The following ACYP1 variants were observed in gnomAD, a reference collection of about 807,000 sequenced individuals.
ACYP1 encodes acylphosphatase-1.
A neutral mutation model predicts 10.4 loss-of-function variants in ACYP1; 8 were observed. That is an observed-to-expected ratio of 0.77 (90% CI 0.45 to 1.38). The LOEUF (loss-of-function observed/expected upper bound fraction) is 1.38, where lower values mean the gene tolerates loss of function less well. Among genes scored for constraint, ACYP1 ranks in the 40% most tolerant of loss-of-function variants. The probability of loss-of-function intolerance (pLI) is 0.00; values close to 1 mark genes in which losing one functional copy is unlikely to be tolerated. For missense variants in ACYP1, 93 were observed against 117.3 expected (o/e 0.79, Z 0.96); for synonymous variants, 38 against 40.8 (o/e 0.93, Z 0.26).
intron 1 of ACYP1, chr14:75,069,149 T>C (rs1893227583): frequency 6.8e-7 from 1 of 1,463,012 alleles, no homozygotes; most frequent in Non-Finnish European, 9.1e-7. Context: ...AGCAAAAACG[T>C]TGGCAGCAAG....
Position 75,053,508 on chromosome 14 carries a change from G to A in ACYP1, c.236C>T (p.Ala79Val), listed in dbSNP as rs371773175. Residue 79 changes from alanine to valine, a missense_variant, in exon 3 of 3, where the codon GCA (alanine) becomes GTA (valine). Coordinates refer to ENST00000238618, the MANE Select transcript of ACYP1 (RefSeq NM_001107.5). ...RGSPKSHIDKANFNNEKVILK... is the reference protein window; with the variant it reads ...RGSPKSHIDKVNFNNEKVILK... ...GATGACTTTTTCATTGTTGAAGTTT[G>A]CTTTGTCGATGTGTGATTTAGGACT... 2 of 1,614,156 alleles carry A rather than the reference G, an allele frequency of 1.2e-6. No individual in the cohort carries two copies. Among genetic ancestry groups the A allele is most frequent in the Non-Finnish European group, 1.7e-6 (2 of 1,180,020 alleles).
upstream of ACYP1, among the ~76,000 whole-genome samples, chr14:75,066,707 T>C (rs1158603983): frequency 6.6e-6 from 1 of 152,038 alleles, no homozygotes; most frequent in Non-Finnish European, 1.5e-5. Context: ...CAGAAATTAG[T>C]TGGGCGTGGT....
intron 2 of ACYP1, 118 bp downstream of exon 2, chr14:75,063,352 T>C (rs1893075530): frequency 1.3e-6 from 1 of 775,866 alleles, no homozygotes; most frequent in African/African-American, 1.7e-5. Flanking sequence ...ACAAACTACC[T>C]CTTTGCCATG....
chr14:75,053,768 T>G (rs1312278591), intron 2 of ACYP1, 109 bp from the exon 3 acceptor site: 1 of 962,404 alleles, frequency 1.0e-6, no homozygotes, highest in African/African-American at 1.6e-5. Context: ...GAAACTAATT[T>G]GATATTGCCC....
chr14:75,068,564 G>A (rs1171685042), upstream of ACYP1, among the ~76,000 whole-genome samples: 2 of 151,922 alleles, frequency 1.3e-5, no homozygotes, highest in Admixed American at 1.3e-4. Context: ...GAGAGACAGA[G>A]AGAGAGAGAA....
chr14:75,061,635 C>G (rs1893017721), intron 2 of ACYP1: 1 of 1,391,204 alleles, frequency 7.2e-7, no homozygotes, highest in Non-Finnish European at 9.9e-7. Flanking sequence ...ACAACTTTGA[C>G]TAATCTTTGA....
chr14:75,065,024 A>G (rs1287184464), upstream of ACYP1, among the ~76,000 whole-genome samples: 2 of 152,226 alleles, frequency 1.3e-5, no homozygotes, highest in Non-Finnish European at 2.9e-5. Flanking sequence ...AAAATAACTC[A>G]TGGCTCCAGA....
upstream of ACYP1, among the ~76,000 whole-genome samples, chr14:75,067,803 G>T (rs79352331): frequency 6.6e-6 from 1 of 151,814 alleles, no homozygotes; most frequent in African/African-American, 2.4e-5. Flanking sequence ...AGACCAGCCT[G>T]GGTAACAAAG....
chr14:75,069,287 G>T, exon 1 of ACYP1: 4 of 1,436,478 alleles, frequency 2.8e-6, no homozygotes, highest in Non-Finnish European at 3.6e-6. Context: ...GGCGGACGCC[G>T]GCATCCTGCG....
Position 75,069,060 on chromosome 14 carries a change from G to A in ACYP1, c.82+150C>T. On this transcript the variant is annotated intron_variant, in intron 1 of 2. Coordinates refer to the ACYP1 transcript ENST00000555463. ...CCTGGGCCCTAAGTAGAGACGGCTA[G>A]AATTACCACGTGAGTAAAACATTAT... 3 of 809,400 alleles carry A rather than the reference G, an allele frequency of 3.7e-6. No homozygotes were observed. In the South Asian group the frequency reaches 5.7e-5, roughly 15 times the overall value. The allele number at this position is 809,400 out of a possible 1,614,324, so 50.1% of individuals were successfully genotyped here. A position where few individuals can be genotyped will look rare whatever the true frequency, so the allele number is the denominator to read the frequency against.
chr14:75,060,028 A>G, intron 2 of ACYP1: 1 of 390,388 alleles, frequency 2.6e-6, no homozygotes, highest in African/African-American at 2.1e-5. Context: ...CGTTCTGTAG[A>G]TAAACAGAAC....
chr14:75,061,814 G>A (rs1335235399), intron 2 of ACYP1: 8 of 1,394,676 alleles, frequency 5.7e-6, no homozygotes, highest in Non-Finnish European at 3.9e-6. Context: ...TAGAAAAAGA[G>A]GTATTGGCCG....
At chr14:75,063,405 G>A in intron 2 of ACYP1, 65 bp downstream of exon 2, 1 of 1,382,128 alleles carries the variant, frequency 7.2e-7, no homozygotes, top group African/African-American at 1.4e-5. Context: ...CATTTGTCAA[G>A]AACACGTCCC....
intron 2 of ACYP1, chr14:75,061,664 CT>C (rs752246278): frequency 3.2e-5 from 49 of 1,553,076 alleles, no homozygotes; most frequent in Non-Finnish European, 4.0e-5. Context: ...TCTCAATCAC[CT>C]TAATTTACAG....
chr14:75,060,005 G>C (rs754874838), intron 2 of ACYP1: 3 of 341,404 alleles, frequency 8.8e-6, no homozygotes, highest in Non-Finnish European at 1.6e-5. Flanking sequence ...TTTCAGTTTT[G>C]CAAGATGAAA....
At chr14:75,069,271 C>G in exon 1 of ACYP1, 1 of 1,458,168 alleles carries the variant, frequency 6.9e-7, no homozygotes, top group East Asian at 2.8e-5. Flanking sequence ...CCGCTCCCGC[C>G]AGGCGGGCGG....
At chr14:75,065,601 T>C (rs750487397), upstream of ACYP1, among the ~76,000 whole-genome samples, 77 of 152,330 alleles carry the variant, frequency 5.1e-4, 1 homozygote, top group Middle Eastern at 3.4e-3. Context: ...ATGAATGATA[T>C]AAAATCTTTG....
intron 2 of ACYP1, among the ~76,000 whole-genome samples, chr14:75,062,721 G>A (rs1027639983): frequency 6.7e-6 from 1 of 150,138 alleles, no homozygotes; most frequent in Non-Finnish European, 1.5e-5. Flanking sequence ...TGGGATTAGC[G>A]ACACACTGGG....
chr14:75,063,430 A>G (rs1415071059), intron 2 of ACYP1, 40 bp downstream of exon 2: 1 of 1,558,206 alleles, frequency 6.4e-7, no homozygotes, highest in East Asian at 2.2e-5. Flanking sequence ...TCCTATGCCC[A>G]CAACCTAGGT....
Sources: gnomAD v4.1 joint callset for allele counts (sites outside exome capture counted in the v4.1 genomes callset) on GRCh38, gnomAD v4.1.1 for gene constraint, MANE v1.5 for transcripts, NCBI Gene and HGNC (gene_info 2026-07-23, HGNC 2026-07-21) for gene names.